BDP1: variants seen among roughly 807,000 people sequenced by gnomAD.
BDP1 encodes the protein BDP1 general transcription factor IIIB subunit, also known as transcription factor TFIIIB component B'' homolog.
A neutral mutation model predicts 266.6 loss-of-function variants in BDP1; 169 were observed. That is an observed-to-expected ratio of 0.63 (90% CI 0.56 to 0.72). The LOEUF is 0.72. BDP1 is among the 30% of genes least tolerant of loss of function. BDP1 has a pLI of 0.00. For missense variants in BDP1, 3,015 were observed against 3,053.8 expected (o/e 0.99, Z 0.30); for synonymous variants, 1,090 against 1,022.4 (o/e 1.07, Z -1.26).
intron 25 of BDP1, among the ~76,000 whole-genome samples, chr5:71,531,983 A>G (rs1179231464): frequency 6.6e-6 from 1 of 152,242 alleles, no homozygotes; most frequent in Non-Finnish European, 1.5e-5. Flanking sequence ...AAATGTTAAC[A>G]GACTGAACAG....
Position 71,565,256 on chromosome 5 carries a change from T to C in BDP1, c.*371T>C, listed in dbSNP as rs892656583. The C allele has an allele frequency of 1.2e-5, 2 of 161,214 alleles. No individual in the cohort carries two copies. Among genetic ancestry groups the C allele is most frequent in the African/African-American group, 4.8e-5 (2 of 41,752 alleles). 10.0% of individuals were successfully genotyped at this position (161,214 alleles called of 1,614,324 possible). A position where few individuals can be genotyped will look rare whatever the true frequency, so the allele number is the denominator to read the frequency against. On this transcript the variant is annotated 3_prime_UTR_variant, in exon 39 of 39. Transcript: ENST00000358731. Reference sequence around the variant, plus strand: ...AGATTTGGGGGTTAATTGTATCATATTTAACATTTAGCAACTTCTTTTGTG... The same window carrying C: ...AGATTTGGGGGTTAATTGTATCATACTTAACATTTAGCAACTTCTTTTGTG...
In BDP1 at chr5:71,461,958, CTTTTTTTTTTT is replaced by C. The variant is rs370261571; in HGVS notation, c.599+43_599+53del. 123 of 444,102 alleles carry C rather than the reference CTTTTTTTTTTT, an allele frequency of 2.8e-4. 1 individual carries two copies. Among genetic ancestry groups the C allele is most frequent in the Middle Eastern group, 2.4e-3 (3 of 1,272 alleles). The allele number at this position is 444,102 out of a possible 1,614,324, so 27.5% of individuals were successfully genotyped here. On this transcript the variant is annotated intron_variant, in intron 3 of 38. Coordinates refer to ENST00000358731, the MANE Select transcript of BDP1 (RefSeq NM_018429.3). ...AAAATTTATTTCTGCTTTACTATCTCTTTTTTTTTTTTTTTTTTTTTGGAGGTGGAGTCTCG... is the reference window on the plus strand; with the variant it reads ...AAAATTTATTTCTGCTTTACTATCTCTTTTTTTTTTGGAGGTGGAGTCTCG...
At position 71,470,641 on chromosome 5, in the gene BDP1, T is replaced by C. The variant is rs1211845533; in HGVS notation, c.1014+152T>C. ...TTTCACTTTGTTGCCCAGGCTGGAG[T>C]GCAGTGGCACAGTCTCGGCTCACTG... On this transcript the variant is annotated intron_variant, in intron 7 of 38. Coordinates refer to ENST00000358731, the MANE Select transcript of BDP1 (RefSeq NM_018429.3). 5 of 612,692 alleles carry C rather than the reference T, an allele frequency of 8.2e-6. No homozygotes were observed. The African/African-American group carries it at 9.5e-5, about 12-fold the overall frequency. 38.0% of individuals were successfully genotyped at this position (612,692 alleles called of 1,614,324 possible). A position where few individuals can be genotyped will look rare whatever the true frequency, so the allele number is the denominator to read the frequency against.
intron 5 of BDP1, among the ~76,000 whole-genome samples, chr5:71,466,818 C>T (rs1365682116): frequency 6.6e-6 from 1 of 151,640 alleles, no homozygotes; most frequent in African/African-American, 2.4e-5. Flanking sequence ...GAAAGTTTAG[C>T]CAGTGAAAAA....
chr5:71,514,452 A>G (rs1369205952), intron 19 of BDP1, among the ~76,000 whole-genome samples: 1 of 152,210 alleles, frequency 6.6e-6, no homozygotes, highest in African/African-American at 2.4e-5. Context: ...AATTTTGAAT[A>G]TATCCACTTA....
chr5:71,562,752 T>C (rs1199348596), intron 38 of BDP1: 2 of 1,425,024 alleles, frequency 1.4e-6, no homozygotes, highest in Non-Finnish European at 1.9e-6. Context: ...AATGGACACT[T>C]AATAGCCATT....
downstream of BDP1, among the ~76,000 whole-genome samples, chr5:71,571,952 G>C (rs191326990): frequency 1.2e-4 from 18 of 152,300 alleles, 1 homozygote; most frequent in Admixed American, 9.8e-4. Flanking sequence ...TCCACTGGAG[G>C]CTACATGATC....
chr5:71,553,201 A>G lies in BDP1; in HGVS notation c.7081A>G (p.Asn2361Asp). 6.2e-7 allele frequency: 1 copy of G among 1,613,374 alleles called. No individual in the cohort carries two copies. The highest frequency in any genetic ancestry group is 1.8e-4 in the Middle Eastern group (1 of 5,692). Residue 2361 changes from asparagine (N) to aspartate (D), a missense_variant, in exon 35 of 39, where the codon AAT (asparagine) becomes GAT (aspartate). Physicochemically the swap from Asn to Asp is conservative, Grantham distance 23. Coordinates refer to ENST00000358731, the MANE Select transcript of BDP1 (RefSeq NM_018429.3). ...AGATAATTCTAAAAAGCCGCCTGAT[A>G]ATTTGGATCTTGTATCTAGGAAGAG... Reference protein sequence around the residue: ...GRDNSKKPPDNLDLVSRKRFQ... With the variant: ...GRDNSKKPPDDLDLVSRKRFQ...
rs1254773435 is a variant in BDP1 at position 71,566,008 on chromosome 5, C to T, written c.*1123C>T. ...AAGAAGGCATTAAATTTATGTTTGT[C>T]TCCTTTTTCTGTTTAATTTTAAAGA... On this transcript the variant is annotated 3_prime_UTR_variant, in exon 39 of 39. Coordinates refer to ENST00000358731, the MANE Select transcript of BDP1 (RefSeq NM_018429.3). 4.5e-6 allele frequency: 1 copy of T among 221,696 alleles called. No homozygotes were observed. The highest frequency in any genetic ancestry group is 1.0e-5 in the Non-Finnish European group (1 of 100,182). 13.7% of individuals were successfully genotyped at this position (221,696 alleles called of 1,614,324 possible).
At chr5:71,532,468 G>T (rs1416139722) in intron 26 of BDP1, 41 bp downstream of exon 26, 75 of 1,591,668 alleles carry the variant, frequency 4.7e-5, no homozygotes, top group Non-Finnish European at 6.2e-5. Context: ...TTTATTCTTT[G>T]TTTACTTTGA....
Position 71,466,204 on chromosome 5 carries a change from T to C in BDP1, c.768T>C (p.Ile256=). ...PRVKVAEDGS[I]ILDEESLTVE... ...TAAAAGTGGCAGAAGATGGTTCCATTATTTTGGATGAAGAAAGGTATTTAG... is the reference window on the plus strand; with the variant it reads ...TAAAAGTGGCAGAAGATGGTTCCATCATTTTGGATGAAGAAAGGTATTTAG... Residue 256 remains isoleucine, a synonymous_variant, in exon 5 of 39, where the codon ATT becomes ATC. Coordinates refer to ENST00000358731, the MANE Select transcript of BDP1 (RefSeq NM_018429.3). 1.2e-6 allele frequency: 2 copies of C among 1,613,996 alleles called. No homozygotes were observed. The highest frequency in any genetic ancestry group is 1.7e-6 in the Non-Finnish European group (2 of 1,179,970).
In BDP1 at chr5:71,489,553, T is replaced by C; in HGVS notation, c.1363T>C (p.Leu455=). ...LSREDAEQVA[L]EVDLNQKKRR... is the part of the protein sequence containing the mutation. ...AAGGGAGGATGCAGAGCAGGTTGCA[T>C]TAGAAGTAGACCTAAATCAAAAGAA... is the stretch of plus-strand genomic sequence containing the variant. The change falls in exon 10 of 39, where the codon TTA becomes CTA. Residue 455 remains leucine, a synonymous_variant. Transcript: ENST00000358731. 1 of 1,614,060 alleles carries C rather than the reference T, an allele frequency of 6.2e-7. No homozygotes were observed. The highest frequency in any genetic ancestry group is 1.1e-5 in the South Asian group (1 of 91,070).
chr5:71,478,661 T>G (rs910481295), intron 7 of BDP1, among the ~76,000 whole-genome samples: 1 of 148,434 alleles, frequency 6.7e-6, no homozygotes, highest in Non-Finnish European at 1.5e-5. Context: ...TTTTCAGGAT[T>G]TTTTTTTTTT....
At chr5:71,532,985 A>G (rs922501877) in intron 26 of BDP1, among the ~76,000 whole-genome samples, 3 of 152,196 alleles carry the variant, frequency 2.0e-5, no homozygotes, top group African/African-American at 7.2e-5. Context: ...TTCTGTCTTT[A>G]TAGATTTGCC....
chr5:71,577,114 A>G, the BDP1 span, among the ~76,000 whole-genome samples: 1 of 152,238 alleles, frequency 6.6e-6, no homozygotes, highest in Admixed American at 6.5e-5. Context: ...GCACATTGCA[A>G]ACACATAATA....
chr5:71,469,280 A>G (rs1234490105), intron 6 of BDP1, among the ~76,000 whole-genome samples: 1 of 151,922 alleles, frequency 6.6e-6, no homozygotes, highest in African/African-American at 2.4e-5. Flanking sequence ...CTGGGATTAC[A>G]GGCATATGTC....
chr5:71,550,259 G>A (rs760963461), intron 34 of BDP1, among the ~76,000 whole-genome samples: 56 of 152,076 alleles, frequency 3.7e-4, no homozygotes, highest in South Asian at 1.0e-3. Flanking sequence ...GGTGGCCTGC[G>A]CCTGTAATCC....
chr5:71,500,119 G>T (rs1486396227), intron 13 of BDP1, among the ~76,000 whole-genome samples: 3 of 151,778 alleles, frequency 2.0e-5, no homozygotes, highest in African/African-American at 7.3e-5. Context: ...CACTTTTTAA[G>T]ATGTTGGTTT....
chr5:71,554,233 C>T (rs1293526410), intron 35 of BDP1, among the ~76,000 whole-genome samples: 3 of 152,146 alleles, frequency 2.0e-5, no homozygotes, highest in Non-Finnish European at 4.4e-5. Context: ...GATTGAACAT[C>T]TTTTCATATG....
Sources: gnomAD v4.1 joint callset for allele counts (sites outside exome capture counted in the v4.1 genomes callset) on GRCh38, gnomAD v4.1.1 for gene constraint, MANE v1.5 for transcripts, NCBI Gene and HGNC (gene_info 2026-07-23, HGNC 2026-07-21) for gene names.